The following HCRTR2 variants were observed in gnomAD, a reference collection of about 807,000 sequenced individuals.
HCRTR2 encodes hypocretin receptor 2.
HCRTR2 carries 22 observed loss-of-function variants against 49.0 expected under a neutral mutation model. The observed-to-expected ratio is 0.45, with a 90% CI of 0.32 to 0.64. The LOEUF (loss-of-function observed/expected upper bound fraction) is 0.64, where lower values mean the gene tolerates loss of function less well. Among genes scored for constraint, HCRTR2 ranks in the 30% least tolerant of loss-of-function variants. The pLI is 0.04. For missense variants in HCRTR2, 491 were observed against 559.4 expected (o/e 0.88, Z 1.23); for synonymous variants, 236 against 205.3 (o/e 1.15, Z -1.28).
intron 1 of HCRTR2, among the ~76,000 whole-genome samples, chr6:55,114,034 C>T (rs1447752204): frequency 1.3e-5 from 2 of 151,772 alleles, no homozygotes; most frequent in African/African-American, 2.4e-5. Context: ...TTAAATAACT[C>T]AGGAATGGAA....
At chr6:55,182,718 G>A (rs781634969) in intron 1 of HCRTR2, among the ~76,000 whole-genome samples, 10 of 152,224 alleles carry the variant, frequency 6.6e-5, no homozygotes, top group East Asian at 1.9e-4. Flanking sequence ...CTTCAGTTTC[G>A]GGATAAGTTG....
At chr6:55,278,743 ATTATTATTATTATTT>A (rs1767130097) in intron 5 of HCRTR2, among the ~76,000 whole-genome samples, 1 of 145,684 alleles carries the variant, frequency 6.9e-6, no homozygotes, top group African/African-American at 2.5e-5. Context: ...TATTATTATT[ATTATTATTATTATTT>A]TTGCTAACAG....
chr6:55,259,927 G>A (rs964552031), intron 3 of HCRTR2, among the ~76,000 whole-genome samples: 1 of 152,014 alleles, frequency 6.6e-6, no homozygotes, highest in African/African-American at 2.4e-5. Context: ...AATCAGCTTA[G>A]ACTATCATGT....
At chr6:55,157,357 T>C (rs1352134509) in intron 1 of HCRTR2, among the ~76,000 whole-genome samples, 1 of 152,198 alleles carries the variant, frequency 6.6e-6, no homozygotes, top group Non-Finnish European at 1.5e-5. Context: ...AAAAATGTCA[T>C]TAAAAATAGT....
intron 2 of HCRTR2, among the ~76,000 whole-genome samples, chr6:55,252,974 A>T (rs557745101): frequency 3.2e-4 from 49 of 152,162 alleles, no homozygotes; most frequent in Non-Finnish European, 6.0e-4. Context: ...ATACAATTCC[A>T]TGGTTAGGTA....
intron 1 of HCRTR2, among the ~76,000 whole-genome samples, chr6:55,201,335 G>T (rs1765509941): frequency 6.6e-6 from 1 of 151,960 alleles, no homozygotes; most frequent in African/African-American, 2.4e-5. Context: ...TTAGACCTTT[G>T]CTGTTCTCTT....
In HCRTR2 at chr6:55,174,739, A is replaced by G. The variant is rs1202525313; in HGVS notation, c.152A>G (p.Lys51Arg). 1 of 1,614,008 alleles carries G rather than the reference A, an allele frequency of 6.2e-7. No homozygotes were observed. Among genetic ancestry groups the G allele is most frequent in the Admixed American group, 1.7e-5 (1 of 60,012 alleles). The stretch of plus-strand genomic sequence containing the variant: ...CTGTGGAGGGAATACCTGCACCCGA[A>G]AGAATATGAGTGGGTCCTGATCGCC... ...RYLWREYLHP[K>R]EYEWVLIAGY... Residue 51 changes from lysine (K) to arginine (R), a missense_variant, in exon 1 of 7, where the codon AAA (lysine) becomes AGA (arginine). Lys to Arg is a conservative substitution (Grantham distance 26, BLOSUM62 2). Coordinates refer to ENST00000370862, the MANE Select transcript of HCRTR2 (RefSeq NM_001384272.1).
In HCRTR2 at chr6:55,166,405, G is replaced by GT. The variant is rs879370061; in HGVS notation, c.-377-7794dup. Among the ~76,000 whole-genome samples the GT allele has an allele frequency of 4.8e-3, 487 of 102,296 alleles. 1 individual carries two copies. The highest frequency in any genetic ancestry group is 9.5e-3 in the African/African-American group (273 of 28,694). 67.1% of individuals were successfully genotyped at this position (102,296 alleles called of 152,430 possible). ...TTTTGGAATAGTTTGAGAATTGTTA[G>GT]TTTTTTTTTTTTATAAGTTTGGTAG... On this transcript the variant is annotated intron_variant, in intron 1 of 7. Coordinates refer to the HCRTR2 transcript ENST00000615358.
At chr6:55,137,125 G>C (rs758540286) in intron 1 of HCRTR2, among the ~76,000 whole-genome samples, 2 of 152,178 alleles carry the variant, frequency 1.3e-5, no homozygotes, top group Non-Finnish European at 2.9e-5. Flanking sequence ...ATAATCAAAG[G>C]TATGCAAATG....
intron 1 of HCRTR2, among the ~76,000 whole-genome samples, chr6:55,160,414 A>G (rs1272819515): frequency 1.3e-5 from 2 of 152,212 alleles, no homozygotes; most frequent in East Asian, 3.9e-4. Flanking sequence ...AACACTATGA[A>G]GAAACTGCAT....
At chr6:55,197,686 A>T (rs1002737833) in intron 1 of HCRTR2, among the ~76,000 whole-genome samples, 2 of 152,042 alleles carry the variant, frequency 1.3e-5, no homozygotes, top group African/African-American at 4.8e-5. Context: ...CAGTGGCGTG[A>T]TCTCGGCTCA....
At chr6:55,174,263 GGAATGAGGAGT>G (rs1764993762), upstream of HCRTR2, 1 of 405,648 alleles carries the variant, frequency 2.5e-6, no homozygotes. Flanking sequence ...ACTGAGTGCT[GGAATGAGGAGT>G]AATTGAGCTT....
intron 1 of HCRTR2, among the ~76,000 whole-genome samples, chr6:55,179,689 T>C (rs557698130): frequency 6.6e-6 from 1 of 152,304 alleles, no homozygotes; most frequent in Non-Finnish European, 1.5e-5. Context: ...AGAGACCAAA[T>C]CTAAAACTCA....
rs1257693637 is a variant in HCRTR2, at chr6:55,263,736, T to G, written c.676T>G (p.Cys226Gly). ...GEIYPKMYHICFFLVTYMAPL... is the reference protein window; with the variant it reads ...GEIYPKMYHIGFFLVTYMAPL... ...AATTTATCCCAAGATGTACCACATC[T>G]GTTTCTTTCTGGTGACATACATGGC... Residue 226 changes from cysteine to glycine, a missense_variant, in exon 4 of 7, where the codon TGT becomes GGT. Coordinates refer to ENST00000370862, the MANE Select transcript of HCRTR2 (RefSeq NM_001384272.1). 25 of 1,611,428 alleles carry G rather than the reference T, an allele frequency of 1.6e-5. No homozygotes were observed. The highest frequency in any genetic ancestry group is 3.3e-5 in the Admixed American group (2 of 59,908).
chr6:55,170,091 T>A (rs1478781769), upstream of HCRTR2, among the ~76,000 whole-genome samples: 3 of 151,528 alleles, frequency 2.0e-5, no homozygotes, highest in Admixed American at 6.6e-5. Context: ...TTCCGTCTCA[T>A]TTTTAATATA....
At chr6:55,240,516 A>C (rs1766307324) in intron 1 of HCRTR2, among the ~76,000 whole-genome samples, 1 of 152,070 alleles carries the variant, frequency 6.6e-6, no homozygotes, top group Non-Finnish European at 1.5e-5. Context: ...AGTTCTTCTG[A>C]GACGGAGATT....
chr6:55,119,929 T>A (rs1764172438), intron 1 of HCRTR2, among the ~76,000 whole-genome samples: 1 of 152,172 alleles, frequency 6.6e-6, no homozygotes, highest in African/African-American at 2.4e-5. Context: ...CTTTAATCCA[T>A]CTTGAGTTGA....
At chr6:55,116,420 A>T (rs1000012855) in intron 1 of HCRTR2, among the ~76,000 whole-genome samples, 3 of 151,432 alleles carry the variant, frequency 2.0e-5, no homozygotes, top group African/African-American at 7.3e-5. Context: ...AAAAAATACT[A>T]AAAGAGGCTA....
intron 1 of HCRTR2, among the ~76,000 whole-genome samples, chr6:55,144,608 G>T (rs903679146): frequency 1.3e-5 from 2 of 152,272 alleles, no homozygotes; most frequent in African/African-American, 4.8e-5. Flanking sequence ...CATCAGGTTA[G>T]ATTCTCCTAA....
Sources: allele counts gnomAD v4.1 joint callset (sites outside exome capture counted in the v4.1 genomes callset), GRCh38; gene constraint gnomAD v4.1.1; transcripts MANE v1.5; gene names NCBI Gene and HGNC (gene_info 2026-07-23, HGNC 2026-07-21).